The following BLVRA variants were observed in gnomAD, a reference collection of about 807,000 sequenced individuals.
BLVRA encodes BVR A.
Under a neutral mutation model 32.8 loss-of-function variants are expected in BLVRA, and 22 were observed. The ratio of observed to expected loss-of-function variants is 0.67; its 90% CI spans 0.48 to 0.96. The LOEUF is 0.96. Ranked by LOEUF, BLVRA falls within the 40% of genes least tolerant of loss-of-function variation. The probability of loss-of-function intolerance (pLI) is 0.00; values close to 1 mark genes in which losing one functional copy is unlikely to be tolerated. For missense variants in BLVRA, 323 were observed against 358.1 expected (o/e 0.90, Z 0.79); for synonymous variants, 119 against 141.3 (o/e 0.84, Z 1.12).
intron 6 of BLVRA, among the ~76,000 whole-genome samples, chr7:43,801,973 A>T (rs1266112492): frequency 6.9e-6 from 1 of 144,472 alleles, no homozygotes; most frequent in East Asian, 2.0e-4. Context: ...CGTCTCTACT[A>T]AAAAAAAAAA....
intron 6 of BLVRA, among the ~76,000 whole-genome samples, chr7:43,803,008 A>C (rs890349099): frequency 1.3e-5 from 2 of 152,220 alleles, no homozygotes; most frequent in Admixed American, 1.3e-4. Context: ...TGCTGGGACT[A>C]CAGGCGTGAG....
At chr7:43,780,649 G>A (rs1000811299) in intron 2 of BLVRA, among the ~76,000 whole-genome samples, 3 of 152,078 alleles carry the variant, frequency 2.0e-5, no homozygotes, top group East Asian at 1.9e-4. Context: ...GCACAGGGAC[G>A]GTCCACACAC....
intron 2 of BLVRA, among the ~76,000 whole-genome samples, chr7:43,781,449 A>G (rs2132564856): frequency 6.6e-6 from 1 of 152,166 alleles, no homozygotes; most frequent in East Asian, 1.9e-4. Context: ...CGTTTCAAGC[A>G]ATTCTTCAGC....
intron 1 of BLVRA, among the ~76,000 whole-genome samples, chr7:43,760,916 G>C (rs959613937): frequency 6.6e-6 from 1 of 151,926 alleles, no homozygotes; most frequent in African/African-American, 2.4e-5. Context: ...TTACAGGCAC[G>C]CACCACCATG....
In BLVRA at chr7:43,805,723, T is replaced by C. The variant is rs540522528; in HGVS notation, c.633-1254T>C. On this transcript the variant is annotated intron_variant, in intron 7 of 7. Coordinates refer to ENST00000265523, the MANE Select transcript of BLVRA (RefSeq NM_000712.4). ...TTGCATTTTTAAATTTTTTTATCTA[T>C]TTATTTATTTATTTTGAGACCGGGT... is the stretch of plus-strand genomic sequence containing the variant. 4.6e-5 allele frequency among the ~76,000 whole-genome samples: 7 copies of C among 152,222 alleles called. No homozygotes were observed. The South Asian group carries it at 1.2e-3, about 27-fold the overall frequency.
At chr7:43,771,883 T>C (rs1032722883) in intron 2 of BLVRA, among the ~76,000 whole-genome samples, 1 of 152,232 alleles carries the variant, frequency 6.6e-6, no homozygotes, top group Non-Finnish European at 1.5e-5. Flanking sequence ...GCTCCAGGCT[T>C]CATCCCTCTC....
chr7:43,807,239 G>T lies in BLVRA; in HGVS notation c.*4G>T. 1.2e-6 allele frequency: 2 copies of T among 1,603,260 alleles called. No homozygotes were observed. The highest frequency in any genetic ancestry group is 1.1e-5 in the South Asian group (1 of 91,068). Reference sequence around the variant, plus strand: ...ATATTGCTGTTCAAGGAAGTAAGAGGAGGAGGTGATGTAGCACTTCCAAGA... The same window carrying T: ...ATATTGCTGTTCAAGGAAGTAAGAGTAGGAGGTGATGTAGCACTTCCAAGA... On this transcript the variant is annotated 3_prime_UTR_variant, in exon 8 of 8. Coordinates refer to ENST00000265523, the MANE Select transcript of BLVRA (RefSeq NM_000712.4).
intron 2 of BLVRA, among the ~76,000 whole-genome samples, chr7:43,782,222 A>G (rs1375997309): frequency 6.6e-6 from 1 of 152,240 alleles, no homozygotes; most frequent in Non-Finnish European, 1.5e-5. Context: ...AATGCAATCC[A>G]GAGCTTGGGA....
At position 43,780,561 on chromosome 7, in the gene BLVRA, C is replaced by T. The variant is rs1197706380; in HGVS notation, c.13-7343C>T. Among the ~76,000 whole-genome samples, 5 of 152,234 alleles carry T rather than the reference C, an allele frequency of 3.3e-5. No individual in the cohort carries two copies. In the East Asian group the frequency reaches 9.7e-4, roughly 29 times the overall value. ...ACTTCCTCACTTACCTAATTCTTTT[C>T]TTCTTCTCCTTTGCTTTCCTCACCC... On this transcript the variant is annotated intron_variant, in intron 2 of 7. Transcript: ENST00000265523.
chr7:43,762,111 C>T (rs1563533404), intron 1 of BLVRA, among the ~76,000 whole-genome samples: 1 of 152,036 alleles, frequency 6.6e-6, no homozygotes, highest in Non-Finnish European at 1.5e-5. Flanking sequence ...CTTGAGAGGG[C>T]GTTTGAGGAG....
At chr7:43,788,094 T>C (rs1563545423) in intron 3 of BLVRA, 69 bp downstream of exon 3, 1 of 1,612,612 alleles carries the variant, frequency 6.2e-7, no homozygotes, top group Non-Finnish European at 8.5e-7. Flanking sequence ...CTGCAGGACA[T>C]GGAGATTTTC....
In BLVRA at chr7:43,787,968, A is replaced by C. The variant is rs1178230381; in HGVS notation, c.77A>C (p.Asp26Ala). The C allele has an allele frequency of 6.2e-7, 1 of 1,614,076 alleles. No homozygotes were observed. Residue 26 changes from aspartate (D) to alanine (A), a missense_variant, in exon 3 of 8, where the codon GAC (aspartate) becomes GCC (alanine). Coordinates refer to ENST00000265523, the MANE Select transcript of BLVRA (RefSeq NM_000712.4). The surrounding 1 kb of genome is among the most constrained non-coding windows in gnomAD (Gnocchi z 4.5). ...VGRAGSVRMR[D>A]LRNPHPSSAF... ...CGAGCCGGCTCCGTGCGGATGAGGGACTTGCGGAATCCACACCCTTCCTCA... is the reference window on the plus strand; with the variant it reads ...CGAGCCGGCTCCGTGCGGATGAGGGCCTTGCGGAATCCACACCCTTCCTCA...
chr7:43,771,564 T>G (rs752484137), intron 2 of BLVRA, among the ~76,000 whole-genome samples: 1 of 152,244 alleles, frequency 6.6e-6, no homozygotes, highest in Non-Finnish European at 1.5e-5. Flanking sequence ...CTTATCCTTT[T>G]GTTTTTTCCT....
At chr7:43,772,168 T>G (rs1042639249) in intron 2 of BLVRA, among the ~76,000 whole-genome samples, 1 of 152,212 alleles carries the variant, frequency 6.6e-6, no homozygotes, top group African/African-American at 2.4e-5. Flanking sequence ...GCTCAGTGAC[T>G]GCCTCAAGGA....
chr7:43,764,536 A>G (rs973332801), intron 1 of BLVRA, among the ~76,000 whole-genome samples: 1 of 152,196 alleles, frequency 6.6e-6, no homozygotes, highest in African/African-American at 2.4e-5. Context: ...AGGAGGAGGT[A>G]GAGGAGGGAC....
At chr7:43,780,837 CA>C (rs1364776773) in intron 2 of BLVRA, among the ~76,000 whole-genome samples, 2 of 152,206 alleles carry the variant, frequency 1.3e-5, no homozygotes, top group African/African-American at 4.8e-5. Context: ...TGTTTTTGTG[CA>C]AATACCTTCT....
At chr7:43,803,907 G>A in intron 7 of BLVRA, 60 bp downstream of exon 7, 2 of 1,599,448 alleles carry the variant, frequency 1.3e-6, no homozygotes, top group Non-Finnish European at 1.7e-6. Flanking sequence ...ACATTTGCAG[G>A]TATGATCCAA....
chr7:43,772,721 G>A (rs761803670), intron 2 of BLVRA, among the ~76,000 whole-genome samples: 3 of 152,208 alleles, frequency 2.0e-5, no homozygotes, highest in Non-Finnish European at 4.4e-5. Context: ...TGGCAAGAAG[G>A]CAAAGTGCTG....
rs2095801411 is a variant in BLVRA at position 43,803,838 on chromosome 7, A to G, written c.623A>G (p.Glu208Gly). 1.2e-6 allele frequency: 2 copies of G among 1,613,952 alleles called. No individual in the cohort carries two copies. Among genetic ancestry groups the G allele is most frequent in the Non-Finnish European group, 1.7e-6 (2 of 1,179,974 alleles). The change falls in exon 7 of 8, where the codon GAG becomes GGG. Residue 208 changes from glutamate (E) to glycine (G), a missense_variant. Coordinates refer to ENST00000265523, the MANE Select transcript of BLVRA (RefSeq NM_000712.4). ...AAAATGACAGTGTGTCTGGAGACAGAGAAGAAAAGGTAAGTCATGAGAAGC... is the reference window on the plus strand; with the variant it reads ...AAAATGACAGTGTGTCTGGAGACAGGGAAGAAAAGGTAAGTCATGAGAAGC... ...YMKMTVCLET[E>G]KKSPLSWIEE... is the part of the protein sequence containing the mutation.
Sources: allele counts gnomAD v4.1 joint callset (sites outside exome capture counted in the v4.1 genomes callset), GRCh38; gene constraint gnomAD v4.1.1; non-coding constraint Gnocchi (gnomAD v3.1); transcripts MANE v1.5; gene names NCBI Gene and HGNC (gene_info 2026-07-23, HGNC 2026-07-21).